The following EBF1 variants were observed in gnomAD, a reference collection of about 807,000 sequenced individuals.
The protein encoded by EBF1 is EBF transcription factor 1, also known as transcription factor COE1.
A neutral mutation model predicts 68.4 loss-of-function variants in EBF1; 10 were observed. The observed-to-expected ratio is 0.15, with a 90% CI of 0.09 to 0.25. The LOEUF (loss-of-function observed/expected upper bound fraction) is 0.25, where lower values mean the gene tolerates loss of function less well. Among genes scored for constraint, EBF1 ranks in the 10% least tolerant of loss-of-function variants. The probability of loss-of-function intolerance (pLI) is 1.00; values close to 1 mark genes in which losing one functional copy is unlikely to be tolerated. For missense variants in EBF1, 509 were observed against 794.4 expected (o/e 0.64, Z 4.32); for synonymous variants, 298 against 299.8 (o/e 0.99, Z 0.06).
intron 6 of EBF1, among the ~76,000 whole-genome samples, chr5:158,888,630 G>A (rs1177482436): frequency 6.6e-6 from 1 of 152,086 alleles, no homozygotes; most frequent in Non-Finnish European, 1.5e-5. Flanking sequence ...TAAAGACCAT[G>A]GAACTGGTAC....
intron 6 of EBF1, among the ~76,000 whole-genome samples, chr5:159,010,484 C>T (rs935214442): frequency 6.6e-6 from 1 of 150,948 alleles, no homozygotes; most frequent in Non-Finnish European, 1.5e-5. Flanking sequence ...CCGGAAAATA[C>T]TCCCCCCCAG....
At chr5:158,727,898 G>A (rs1163084867) in intron 11 of EBF1, among the ~76,000 whole-genome samples, 1 of 152,180 alleles carries the variant, frequency 6.6e-6, no homozygotes, top group Non-Finnish European at 1.5e-5. Flanking sequence ...GGTCTTTGGA[G>A]CAGTTTCATT....
Position 158,840,645 on chromosome 5 carries a change from G to GTTTTTTTTTTTTTTTTTTTTTTT in EBF1, c.555-558_555-536dup, listed in dbSNP as rs534374216. 2.0e-4 allele frequency among the ~76,000 whole-genome samples: 13 copies of GTTTTTTTTTTTTTTTTTTTTTTT among 64,816 alleles called. 2 individuals carry two copies. The highest frequency in any genetic ancestry group is 2.8e-4 in the Non-Finnish European group (10 of 35,726). 42.5% of individuals were successfully genotyped at this position (64,816 alleles called of 152,430 possible). On this transcript the variant is annotated intron_variant, in intron 6 of 15. Coordinates refer to ENST00000313708, the MANE Select transcript of EBF1 (RefSeq NM_024007.5). ...TCCTTTGACTTCTCAAATACCTCCT[G>GTTTTTTTTTTTTTTTTTTTTTTT]TTTTTTTTTTTTTTTTTTTTTTTTT... is the stretch of plus-strand genomic sequence containing the variant.
At chr5:158,978,746 T>C (rs1398016295) in intron 6 of EBF1, among the ~76,000 whole-genome samples, 1 of 151,396 alleles carries the variant, frequency 6.6e-6, no homozygotes, top group Non-Finnish European at 1.5e-5. Flanking sequence ...TGATTTTTCT[T>C]TGGGGGTTTC....
intron 8 of EBF1, among the ~76,000 whole-genome samples, chr5:158,820,347 C>T (rs1482970670): frequency 6.6e-6 from 1 of 152,156 alleles, no homozygotes; most frequent in Non-Finnish European, 1.5e-5. Context: ...TGAAATAGGA[C>T]TTTTCAACAG....
intron 1 of EBF1, 46 bp from the exon 2 acceptor site, chr5:159,097,176 C>A: frequency 6.3e-7 from 1 of 1,585,754 alleles, no homozygotes; most frequent in Non-Finnish European, 8.6e-7. Context: ...GGACGCCGAC[C>A]CGCGCCCCTT....
chr5:158,919,924 A>G (rs1170495946), intron 6 of EBF1, among the ~76,000 whole-genome samples: 1 of 152,190 alleles, frequency 6.6e-6, no homozygotes, highest in Admixed American at 6.5e-5. Flanking sequence ...TTTCTGCTAT[A>G]TGCATTGCCC....
At chr5:158,733,725 G>C (rs189979203) in intron 10 of EBF1, among the ~76,000 whole-genome samples, 56 of 152,236 alleles carry the variant, frequency 3.7e-4, no homozygotes, top group African/African-American at 1.2e-3. Flanking sequence ...TTTGCTGTCT[G>C]TTCATAGCTT....
At chr5:158,734,022 A>G (rs759177617) in intron 10 of EBF1, among the ~76,000 whole-genome samples, 1 of 152,232 alleles carries the variant, frequency 6.6e-6, no homozygotes, top group Non-Finnish European at 1.5e-5. Context: ...ATGGAATAGA[A>G]TATGATGCCA....
At chr5:158,720,966 G>T (rs113274500) in intron 11 of EBF1, among the ~76,000 whole-genome samples, 21 of 152,150 alleles carry the variant, frequency 1.4e-4, no homozygotes, top group Non-Finnish European at 2.9e-4. Context: ...TCTAGCTAGC[G>T]CATACTTTTT....
chr5:159,037,654 G>T (rs1343601276), intron 6 of EBF1, among the ~76,000 whole-genome samples: 7 of 123,424 alleles, frequency 5.7e-5, no homozygotes, highest in East Asian at 2.4e-4. Context: ...TGGGGACTGT[G>T]GTGGGGTGGG....
chr5:158,708,351 C>T (rs1758364768), intron 14 of EBF1, among the ~76,000 whole-genome samples, 178 bp from the exon 15 acceptor site: 2 of 152,210 alleles, frequency 1.3e-5, no homozygotes, highest in South Asian at 2.1e-4. Context: ...GAACTTAGCA[C>T]GTGCTACCTT....
chr5:158,821,726 A>G (rs189857842), intron 8 of EBF1, among the ~76,000 whole-genome samples: 3 of 152,328 alleles, frequency 2.0e-5, no homozygotes, highest in Admixed American at 6.5e-5. Flanking sequence ...TAAAGTGAGG[A>G]TCAGAATAAT....
intron 7 of EBF1, among the ~76,000 whole-genome samples, chr5:158,836,604 C>T (rs1788868100): frequency 6.6e-6 from 1 of 152,150 alleles, no homozygotes; most frequent in Non-Finnish European, 1.5e-5. Flanking sequence ...GGCAATTCAT[C>T]CATCCTCTAA....
chr5:159,037,791 A>C, intron 6 of EBF1, among the ~76,000 whole-genome samples: 1 of 151,960 alleles, frequency 6.6e-6, no homozygotes, highest in Admixed American at 6.6e-5. Flanking sequence ...ATGTACTCTA[A>C]AACTTAAAGT....
At chr5:158,790,161 A>T (rs1265782763) in intron 9 of EBF1, among the ~76,000 whole-genome samples, 1 of 152,206 alleles carries the variant, frequency 6.6e-6, no homozygotes, top group African/African-American at 2.4e-5. Context: ...CACACGAGGA[A>T]ACTTTGGCTT....
Position 159,096,979 on chromosome 5 carries a change from C to T in EBF1, c.286G>A (p.Glu96Lys). ...RTAFVGFVEK[E>K]KEANSEKTNN... Reference sequence around the variant, plus strand: ...ACAGCGCTGCGCCCACTTACTTTTTCCTTCTCCACGAACCCCACAAACGCT... The same window carrying T: ...ACAGCGCTGCGCCCACTTACTTTTTTCTTCTCCACGAACCCCACAAACGCT... The change falls in exon 2 of 16, where the codon GAA (glutamate) becomes AAA (lysine). Residue 96 changes from glutamate (E) to lysine (K), a missense_variant. Physicochemically the swap from Glu to Lys is moderately conservative, Grantham distance 56 (BLOSUM62 1). This residue lies in a region of EBF1 where 230 missense variants were observed against 467.7 expected (regional missense o/e 0.49). Transcript: ENST00000313708. The T allele has an allele frequency of 6.2e-7, 1 of 1,613,818 alleles. No homozygotes were observed. Among genetic ancestry groups the T allele is most frequent in the Non-Finnish European group, 8.5e-7 (1 of 1,179,962 alleles).
At chr5:159,013,234 G>A (rs572947543) in intron 6 of EBF1, among the ~76,000 whole-genome samples, 92 of 152,270 alleles carry the variant, frequency 6.0e-4, no homozygotes, top group South Asian at 3.3e-3. Flanking sequence ...TTTATTCTGC[G>A]GATATTTGTG....
chr5:158,961,225 G>C (rs772128834), intron 6 of EBF1, among the ~76,000 whole-genome samples: 1 of 152,140 alleles, frequency 6.6e-6, no homozygotes, highest in East Asian at 1.9e-4. Context: ...AGTGTAAACA[G>C]TATAACCTTT....
Sources: allele counts gnomAD v4.1 joint callset (sites outside exome capture counted in the v4.1 genomes callset), GRCh38; gene constraint gnomAD v4.1.1; regional missense constraint gnomAD v4.1.1; transcripts MANE v1.5; gene names NCBI Gene and HGNC (gene_info 2026-07-23, HGNC 2026-07-21).